C11orf68: variants seen among roughly 807,000 people sequenced by gnomAD.
The protein encoded by C11orf68 is chromosome 11 open reading frame 68, also known as UPF0696 protein C11orf68.
A neutral mutation model predicts 4.7 loss-of-function variants in C11orf68; 3 were observed. The ratio of observed to expected loss-of-function variants is 0.64; its 90% CI spans 0.29 to 1.66. The LOEUF (loss-of-function observed/expected upper bound fraction) is 1.66, where lower values mean the gene tolerates loss of function less well. Among genes scored for constraint, C11orf68 ranks in the 40% most tolerant of loss-of-function variants. The pLI is 0.10. For synonymous variants in C11orf68, 186 were observed against 167.8 expected, an observed-to-expected ratio of 1.11 and a Z score of -0.84; for missense variants, 422 against 408.0, an observed-to-expected ratio of 1.03 and a Z score of -0.30.
At position 65,917,736 on chromosome 11, in the gene C11orf68, A is replaced by C. The variant is rs763901046; in HGVS notation, c.605T>G (p.Val202Gly). ...CCCACCCTCCTTGGCACGTGGGCTC[A>C]CCTTGGCCACCTGAAGCTGGCCTTC... The part of the protein sequence containing the change: ...VVEGQLQVAK[V>G]SPRAKEGGRQ... The change falls in exon 2 of 2, where the codon GTG becomes GGG. Residue 202 changes from valine to glycine, a missense_variant. By Grantham distance (109) the Val-to-Gly change is moderately radical (BLOSUM62 -3). Coordinates refer to ENST00000438576, the MANE Select transcript of C11orf68 (RefSeq NM_001135635.2). 1.8e-5 allele frequency: 29 copies of C among 1,613,458 alleles called. No homozygotes were observed. The highest frequency in any genetic ancestry group is 2.4e-5 in the Non-Finnish European group (28 of 1,180,016).
intron 1 of C11orf68, 115 bp from the exon 2 acceptor site, chr11:65,918,333 C>G: frequency 1.6e-6 from 2 of 1,230,918 alleles, no homozygotes; most frequent in Non-Finnish European, 2.2e-6. Flanking sequence ...GTTGCCTCAT[C>G]TTTACAATGG....
rs762690740 is a variant in C11orf68, at chr11:65,918,159, C to A, written c.182G>T (p.Gly61Val). ...EEGSPGGRED[G>V]FTAEHLAAEA... is the part of the protein sequence containing the mutation. ...TGCAGCCAGGTGCTCGGCGGTGAAG[C>A]CATCCTCACGGCCACCTGGAGAGCC... Residue 61 changes from glycine to valine, a missense_variant, in exon 2 of 2, where the codon GGC becomes GTC. Coordinates refer to ENST00000438576, the MANE Select transcript of C11orf68 (RefSeq NM_001135635.2). 6.4e-7 allele frequency: 1 copy of A among 1,564,848 alleles called. No individual in the cohort carries two copies. Among genetic ancestry groups the A allele is most frequent in the Non-Finnish European group, 8.6e-7 (1 of 1,157,662 alleles).
rs7941334 is a variant in C11orf68 at position 65,919,038 on chromosome 11, G to T, written c.-7C>A. Reference sequence around the variant, plus strand: ...CCGCCGCCGCCGCCGCCATCTTAGCGCCGCGCCACCTCAACAACAACTTTA... The same window carrying T: ...CCGCCGCCGCCGCCGCCATCTTAGCTCCGCGCCACCTCAACAACAACTTTA... On this transcript the variant is annotated 5_prime_UTR_variant, in exon 1 of 2. Coordinates refer to ENST00000438576, the MANE Select transcript of C11orf68 (RefSeq NM_001135635.2). 1,090 of 1,135,568 alleles carry T rather than the reference G, an allele frequency of 9.6e-4. 7 individuals carry two copies. In the African/African-American group the frequency reaches 0.016, roughly 17 times the overall value. 70.3% of individuals were successfully genotyped at this position (1,135,568 alleles called of 1,614,324 possible).
At chr11:65,918,844 C>T (rs972336350) in intron 1 of C11orf68, 66 bp downstream of exon 1, 2 of 1,107,440 alleles carry the variant, frequency 1.8e-6, no homozygotes, top group Non-Finnish European at 2.2e-6. Context: ...CCGCCATTAA[C>T]GCCCACGGGC....
chr11:65,918,645 C>T (rs1364795158), intron 1 of C11orf68, among the ~76,000 whole-genome samples: 1 of 152,194 alleles, frequency 6.6e-6, no homozygotes, highest in African/African-American at 2.4e-5. Flanking sequence ...CGCACGTTCG[C>T]GCAGCTCCCG....
Position 65,917,629 on chromosome 11 carries a change from C to T in C11orf68, c.712G>A (p.Gly238Ser), listed in dbSNP as rs1486403938. 6.2e-7 allele frequency: 1 copy of T among 1,614,048 alleles called. No individual in the cohort carries two copies. ...LEADSAIRAA[G>S]IKCLLTYKPD... ...TTGTAGGTGAGCAGGCACTTAATGC[C>T]CGCTGCACGGATGGCTGAATCCGCC... The change falls in exon 2 of 2, where the codon GGC (glycine) becomes AGC (serine). Residue 238 changes from glycine (G) to serine (S), a missense_variant. Gly to Ser is a moderately conservative substitution (Grantham distance 56). Coordinates refer to ENST00000438576, the MANE Select transcript of C11orf68 (RefSeq NM_001135635.2).
Position 65,917,526 on chromosome 11 carries a change from A to T in C11orf68, c.815T>A (p.Phe272Tyr), listed in dbSNP as rs1016583670. 1 of 1,613,936 alleles carries T rather than the reference A, an allele frequency of 6.2e-7. No individual in the cohort carries two copies. The highest frequency in any genetic ancestry group is 8.5e-7 in the Non-Finnish European group (1 of 1,180,024). The change falls in exon 2 of 2, where the codon TTC becomes TAC. Residue 272 changes from phenylalanine to tyrosine, a missense_variant. Physicochemically the swap from Phe to Tyr is conservative, Grantham distance 22. Transcript: ENST00000438576. Reference protein sequence around the residue: ...HLCPTLYESRFQLGGSARGSR... With the variant: ...HLCPTLYESRYQLGGSARGSR... Reference sequence around the variant, plus strand: ...GCCACGGGCACTACCCCCAAGCTGGAAACGGCTCTCATAGAGAGTGGGGCA... The same window carrying T: ...GCCACGGGCACTACCCCCAAGCTGGTAACGGCTCTCATAGAGAGTGGGGCA...
chr11:65,917,791 C>T lies in C11orf68; in HGVS notation c.550G>A (p.Ala184Thr), dbSNP rs1854479686. The change falls in exon 2 of 2, where the codon GCC (alanine) becomes ACC (threonine). Residue 184 changes from alanine (A) to threonine (T), a missense_variant. Ala to Thr is a moderately conservative substitution (Grantham distance 58). Coordinates refer to ENST00000438576, the MANE Select transcript of C11orf68 (RefSeq NM_001135635.2). ...HLAPGFKLDH[A>T]WAGIARAVVE... ...ACGGCCCGGGCAATGCCAGCCCAGGCGTGGTCCAGCTTGAAGCCCGGTGCC... is the reference window on the plus strand; with the variant it reads ...ACGGCCCGGGCAATGCCAGCCCAGGTGTGGTCCAGCTTGAAGCCCGGTGCC... The T allele has an allele frequency of 1.9e-6, 3 of 1,612,182 alleles. No individual in the cohort carries two copies. Among genetic ancestry groups the T allele is most frequent in the Non-Finnish European group, 2.5e-6 (3 of 1,179,792 alleles).
rs961495072 is a variant in C11orf68, at chr11:65,918,214, T to C, written c.127A>G (p.Met43Val). Residue 43 changes from methionine to valine, a missense_variant, in exon 2 of 2, where the codon ATG becomes GTG. By Grantham distance (21) the Met-to-Val change is conservative (BLOSUM62 1). Coordinates refer to ENST00000438576, the MANE Select transcript of C11orf68 (RefSeq NM_001135635.2). ...TCTTCCAGCTCCTCACCTGGTTCCA[T>C]CCTGCTGTGAGGGAACCGAGTCAGG... The part of the protein sequence containing the change: ...GVERSEGRSR[M>V]EPGEELEEEG... The C allele has an allele frequency of 5.9e-6, 9 of 1,520,144 alleles. No individual in the cohort carries two copies. The highest frequency in any genetic ancestry group is 1.3e-5 in the South Asian group (1 of 76,146). 94.2% of individuals were successfully genotyped at this position (1,520,144 alleles called of 1,614,324 possible).
Position 65,918,018 on chromosome 11 carries a change from C to T in C11orf68, c.323G>A (p.Gly108Glu). The change falls in exon 2 of 2, where the codon GGG becomes GAG. Residue 108 changes from glycine (G) to glutamate (E), a missense_variant. Gly to Glu is a moderately conservative substitution (Grantham distance 98). Coordinates refer to ENST00000438576, the MANE Select transcript of C11orf68 (RefSeq NM_001135635.2). ...CTCTGAGTTGGGTGAACCGGGGTCCCCATAGCGGGTAACTTGGGATGGTGG... is the reference window on the plus strand; with the variant it reads ...CTCTGAGTTGGGTGAACCGGGGTCCTCATAGCGGGTAACTTGGGATGGTGG... ...KYPPSQVTRY[G>E]DPGSPNSEPV... The T allele has an allele frequency of 3.1e-6, 5 of 1,606,980 alleles. No individual in the cohort carries two copies. The highest frequency in any genetic ancestry group is 4.2e-6 in the Non-Finnish European group (5 of 1,177,160).
At position 65,917,533 on chromosome 11, in the gene C11orf68, T is replaced by C; in HGVS notation, c.808A>G (p.Ser270Gly). Residue 270 changes from serine to glycine, a missense_variant, in exon 2 of 2, where the codon AGC becomes GGC. By Grantham distance (56) the Ser-to-Gly change is moderately conservative. Coordinates refer to ENST00000438576, the MANE Select transcript of C11orf68 (RefSeq NM_001135635.2). Reference sequence around the variant, plus strand: ...GCACTACCCCCAAGCTGGAAACGGCTCTCATAGAGAGTGGGGCAGAGGTGC... The same window carrying C: ...GCACTACCCCCAAGCTGGAAACGGCCCTCATAGAGAGTGGGGCAGAGGTGC... ...RWHLCPTLYE[S>G]RFQLGGSARG... The C allele has an allele frequency of 6.2e-7, 1 of 1,613,952 alleles. No individual in the cohort carries two copies. Among genetic ancestry groups the C allele is most frequent in the South Asian group, 1.1e-5 (1 of 91,078 alleles).
intron 1 of C11orf68, 35 bp downstream of exon 1, chr11:65,918,875 G>GGCCCT (rs1854500817): frequency 2.5e-5 from 30 of 1,194,078 alleles, no homozygotes; most frequent in South Asian, 4.3e-5. Flanking sequence ...CTCCCGCCCC[G>GGCCCT]GCCCTGCCCT....
At chr11:65,918,736 G>C (rs371698984) in intron 1 of C11orf68, among the ~76,000 whole-genome samples, 174 bp downstream of exon 1, 2 of 152,368 alleles carry the variant, frequency 1.3e-5, no homozygotes, top group Non-Finnish European at 2.9e-5. Flanking sequence ...GTCCAGAGAG[G>C]TTACAGGCCG....
Position 65,917,386 on chromosome 11 carries a change from G to C in C11orf68, c.*73C>G. 1 of 1,532,602 alleles carries C rather than the reference G, an allele frequency of 6.5e-7. No individual in the cohort carries two copies. The highest frequency in any genetic ancestry group is 8.8e-7 in the Non-Finnish European group (1 of 1,137,692). 94.9% of individuals were successfully genotyped at this position (1,532,602 alleles called of 1,614,324 possible). A position where few individuals can be genotyped will look rare whatever the true frequency, so the allele number is the denominator to read the frequency against. ...GAGCTGGGGGGTGTGGCCTTCATAGGACAAGGAGGAAGACAGGAGGATCCA... is the reference window on the plus strand; with the variant it reads ...GAGCTGGGGGGTGTGGCCTTCATAGCACAAGGAGGAAGACAGGAGGATCCA... On this transcript the variant is annotated 3_prime_UTR_variant, in exon 2 of 2. Coordinates refer to ENST00000438576, the MANE Select transcript of C11orf68 (RefSeq NM_001135635.2).
rs373767846 is a variant in C11orf68, at chr11:65,917,211, A to C, written c.*248T>G. On this transcript the variant is annotated 3_prime_UTR_variant, in exon 2 of 2. Coordinates refer to ENST00000438576, the MANE Select transcript of C11orf68 (RefSeq NM_001135635.2). ...CAACTCATGGTGCTGGGCAGTGGAG[A>C]GGAGCAGCATTACAAAGGGAGGCTG... 1 of 531,446 alleles carries C rather than the reference A, an allele frequency of 1.9e-6. No individual in the cohort carries two copies. Among genetic ancestry groups the C allele is most frequent in the Non-Finnish European group, 3.3e-6 (1 of 299,036 alleles). The allele number at this position is 531,446 out of a possible 1,614,324, so 32.9% of individuals were successfully genotyped here.
At position 65,917,100 on chromosome 11, in the gene C11orf68, A is replaced by C; in HGVS notation, c.*359T>G. Reference sequence around the variant, plus strand: ...TAAGTTTTCTCTCTCCTGAGGGGGAAGGAAAGAAGGGGAGATGCAGGAGGA... The same window carrying C: ...TAAGTTTTCTCTCTCCTGAGGGGGACGGAAAGAAGGGGAGATGCAGGAGGA... On this transcript the variant is annotated 3_prime_UTR_variant, in exon 2 of 2. Transcript: ENST00000438576. 4.4e-5 allele frequency: 10 copies of C among 225,756 alleles called. No homozygotes were observed. Among genetic ancestry groups the C allele is most frequent in the Non-Finnish European group, 6.2e-5 (7 of 112,692 alleles). The allele number at this position is 225,756 out of a possible 1,614,324, so 14.0% of individuals were successfully genotyped here.
chr11:65,917,994 T>C lies in C11orf68; in HGVS notation c.347A>G (p.Glu116Gly). The C allele has an allele frequency of 1.9e-6, 3 of 1,606,682 alleles. No homozygotes were observed. The highest frequency in any genetic ancestry group is 2.5e-6 in the Non-Finnish European group (3 of 1,177,570). ...ATACACTGCAATCCAGCCCACAGGC[T>C]CTGAGTTGGGTGAACCGGGGTCCCC... Reference protein sequence around the residue: ...RYGDPGSPNSEPVGWIAVYGQ... With the variant: ...RYGDPGSPNSGPVGWIAVYGQ... The change falls in exon 2 of 2, where the codon GAG becomes GGG. Residue 116 changes from glutamate to glycine, a missense_variant. By Grantham distance (98) the Glu-to-Gly change is moderately conservative (BLOSUM62 -2). Coordinates refer to ENST00000438576, the MANE Select transcript of C11orf68 (RefSeq NM_001135635.2).
Position 65,917,266 on chromosome 11 carries a change from C to G in C11orf68, c.*193G>C. ...CTCATCCCTCAGGGAACCGGAGCCC[C>G]CCAGCCTGTGGGGCTTGTGTCAGCC... On this transcript the variant is annotated 3_prime_UTR_variant, in exon 2 of 2. Coordinates refer to ENST00000438576, the MANE Select transcript of C11orf68 (RefSeq NM_001135635.2). 4.3e-6 allele frequency: 3 copies of G among 692,896 alleles called. No homozygotes were observed. The highest frequency in any genetic ancestry group is 7.2e-6 in the Non-Finnish European group (3 of 414,752). 42.9% of individuals were successfully genotyped at this position (692,896 alleles called of 1,614,324 possible). A position where few individuals can be genotyped will look rare whatever the true frequency, so the allele number is the denominator to read the frequency against.
rs774091393 is a variant in C11orf68, at chr11:65,917,834, G to A, written c.507C>T (p.Gly169=). ...QLAITHHVLS[G]KWLMHLAPGF... ...CCGGTGCCAGATGCATAAGCCACTT[G>A]CCCGAGAGCACGTGGTGGGTGATGG... is the stretch of plus-strand genomic sequence containing the variant. The change falls in exon 2 of 2, where the codon GGC becomes GGT. Residue 169 remains glycine (G), a synonymous_variant. Transcript: ENST00000438576. 4.3e-6 allele frequency: 7 copies of A among 1,611,838 alleles called. No homozygotes were observed. Among genetic ancestry groups the A allele is most frequent in the Non-Finnish European group, 5.9e-6 (7 of 1,179,950 alleles).
Sources: allele counts gnomAD v4.1 joint callset (sites outside exome capture counted in the v4.1 genomes callset), GRCh38; gene constraint gnomAD v4.1.1; transcripts MANE v1.5; gene names NCBI Gene and HGNC (gene_info 2026-07-23, HGNC 2026-07-21).